ZNF131: variants seen among roughly 807,000 people sequenced by gnomAD.
ZNF131 encodes zinc finger and BTB domain containing 35.
In ZNF131, 7 loss-of-function variants were observed where a neutral mutation model predicts 60.0. The ratio of observed to expected loss-of-function variants is 0.12; its 90% CI spans 0.07 to 0.22. The LOEUF is 0.22. Among genes scored for constraint, ZNF131 ranks in the 10% least tolerant of loss-of-function variants. The pLI, the probability that ZNF131 is intolerant of heterozygous loss-of-function variation, is 1.00. For missense variants in ZNF131, 493 were observed against 740.9 expected (o/e 0.67, Z 3.88); for synonymous variants, 257 against 253.2 (o/e 1.01, Z -0.14).
intron 3 of ZNF131, among the ~76,000 whole-genome samples, chr5:43,136,464 A>C (rs373941005): frequency 7.0e-6 from 1 of 142,684 alleles, no homozygotes; most frequent in Non-Finnish European, 1.5e-5. Context: ...GAACAAAGCT[A>C]GAGGCATCAT....
At chr5:43,142,776 C>G (rs1390546598) in intron 4 of ZNF131, among the ~76,000 whole-genome samples, 1 of 151,854 alleles carries the variant, frequency 6.6e-6, no homozygotes, top group Admixed American at 6.6e-5. Context: ...ACTGCAGCTT[C>G]AACTTCCCGG....
chr5:43,157,850 T>G (rs1255521950), intron 4 of ZNF131, among the ~76,000 whole-genome samples: 1 of 152,242 alleles, frequency 6.6e-6, no homozygotes, highest in Admixed American at 6.5e-5. Flanking sequence ...CTCCAGTCTC[T>G]GCCTTCATCT....
chr5:43,174,790 A>T lies in ZNF131; in HGVS notation c.1529A>T (p.Asp510Val). 5 of 1,614,202 alleles carry T rather than the reference A, an allele frequency of 3.1e-6. No individual in the cohort carries two copies. Among genetic ancestry groups the T allele is most frequent in the Non-Finnish European group, 4.2e-6 (5 of 1,180,042 alleles). ...CTGCTCCAGGACAGCCAGGTGCACG[A>T]TTCACACATGAGTGAGCTTCCAGAG... ...PDLLQDSQVH[D>V]SHMSELPEQV... Residue 510 changes from aspartate to valine, a missense_variant, in exon 7 of 7, where the codon GAT (aspartate) becomes GTT (valine). This residue lies in a region of ZNF131 where 202 missense variants were observed against 221.3 expected (regional missense o/e 0.91). Transcript: ENST00000682664.
intron 4 of ZNF131, among the ~76,000 whole-genome samples, chr5:43,149,272 A>G (rs1748004805): frequency 1.3e-5 from 2 of 151,098 alleles, no homozygotes; most frequent in Non-Finnish European, 3.0e-5. Flanking sequence ...AAAAAAAAAA[A>G]GGCTGGGCAC....
rs79246574 is a variant in ZNF131 at position 43,143,898 on chromosome 5, C to CTTT, written c.371+4625_371+4627dup. On this transcript the variant is annotated intron_variant, in intron 4 of 6. Coordinates refer to ENST00000682664, the MANE Select transcript of ZNF131 (RefSeq NM_001330707.2). ...TAGGTTCTCTGGAATATTGTCAGAG[C>CTTT]TTTTTTTTTTTTTTTTTTTTTTTTT... 8.6e-4 allele frequency among the ~76,000 whole-genome samples: 30 copies of CTTT among 34,972 alleles called. 9 individuals carry two copies. Among genetic ancestry groups the CTTT allele is most frequent in the Admixed American group, 1.9e-3 (4 of 2,132 alleles). The allele number at this position is 34,972 out of a possible 152,430, so 22.9% of individuals were successfully genotyped here.
intron 3 of ZNF131, among the ~76,000 whole-genome samples, chr5:43,135,274 T>C (rs553374075): frequency 7.4e-4 from 106 of 143,468 alleles, no homozygotes; most frequent in Non-Finnish European, 1.4e-3. Flanking sequence ...GGATTACAGG[T>C]GTGAGCCACT....
At chr5:43,147,413 A>AT (rs1747743591) in intron 4 of ZNF131, among the ~76,000 whole-genome samples, 1 of 149,120 alleles carries the variant, frequency 6.7e-6, no homozygotes, top group African/African-American at 2.4e-5. Context: ...ATTTTATTTT[A>AT]TTTATTTATT....
At chr5:43,135,124 G>A (rs940597522) in intron 3 of ZNF131, among the ~76,000 whole-genome samples, 2 of 151,702 alleles carry the variant, frequency 1.3e-5, no homozygotes, top group African/African-American at 2.4e-5. Context: ...TCAGCCTCCC[G>A]AGTAGCTGGG....
At chr5:43,143,625 T>C in intron 4 of ZNF131, 1 of 212,862 alleles carries the variant, frequency 4.7e-6, no homozygotes, top group Non-Finnish European at 9.4e-6. Flanking sequence ...CACTGAAGTC[T>C]GCATAGGTAG....
intron 4 of ZNF131, among the ~76,000 whole-genome samples, chr5:43,146,573 C>T (rs1006642546): frequency 6.6e-6 from 1 of 151,026 alleles, no homozygotes; most frequent in Non-Finnish European, 1.5e-5. Flanking sequence ...CCAGCCTGGG[C>T]GACAGAGCGA....
intron 5 of ZNF131, among the ~76,000 whole-genome samples, chr5:43,162,729 C>T (rs1337528153): frequency 6.6e-6 from 1 of 150,988 alleles, no homozygotes; most frequent in Non-Finnish European, 1.5e-5. Flanking sequence ...CATTGTGAAA[C>T]CCCGTCTCTA....
intron 4 of ZNF131, among the ~76,000 whole-genome samples, chr5:43,152,747 G>C (rs1370885172): frequency 2.0e-5 from 3 of 151,942 alleles, no homozygotes; most frequent in African/African-American, 7.3e-5. Context: ...AGCTGAGACT[G>C]TAGACATGTG....
intron 3 of ZNF131, among the ~76,000 whole-genome samples, chr5:43,136,108 C>T (rs1436950185): frequency 1.3e-5 from 2 of 151,952 alleles, no homozygotes; most frequent in African/African-American, 2.4e-5. Context: ...GACTTGGTCT[C>T]GAAGAAGAAA....
At chr5:43,150,913 C>T (rs2111734132) in intron 4 of ZNF131, among the ~76,000 whole-genome samples, 1 of 152,362 alleles carries the variant, frequency 6.6e-6, no homozygotes, top group East Asian at 1.9e-4. Context: ...TGACCTTAAT[C>T]ATGCACCCAC....
intron 4 of ZNF131, among the ~76,000 whole-genome samples, chr5:43,159,257 ACTATACTG>A (rs1402735446): frequency 6.6e-6 from 1 of 152,142 alleles, no homozygotes; most frequent in African/African-American, 2.4e-5. Context: ...CATCTACTAT[ACTATACTG>A]CAAACATCCA....
Position 43,175,222 on chromosome 5 carries a change from A to G in ZNF131, c.*89A>G. On this transcript the variant is annotated 3_prime_UTR_variant, in exon 7 of 7. Coordinates refer to ENST00000682664, the MANE Select transcript of ZNF131 (RefSeq NM_001330707.2). The stretch of plus-strand genomic sequence containing the variant: ...GACTGTCCTTAATTAAGCCTAACAG[A>G]CAAGTGGACCAAAGTTAAGCTGTTT... 1 of 1,309,192 alleles carries G rather than the reference A, an allele frequency of 7.6e-7. No individual in the cohort carries two copies. The allele number at this position is 1,309,192 out of a possible 1,614,324, so 81.1% of individuals were successfully genotyped here.
intron 3 of ZNF131, among the ~76,000 whole-genome samples, chr5:43,136,083 C>T (rs10050724): frequency 0.2 from 29,861 of 152,076 alleles, 3,200 homozygotes; most frequent in Middle Eastern, 0.35. Flanking sequence ...TACTCCAGCT[C>T]GGGCAACAGA....
chr5:43,122,213 G>A, intron 2 of ZNF131, 36 bp downstream of exon 2: 1 of 1,556,892 alleles, frequency 6.4e-7, no homozygotes, highest in Non-Finnish European at 8.6e-7. Context: ...CGAATTTTTG[G>A]CTTCAGTTTT....
intron 3 of ZNF131, chr5:43,124,690 C>G (rs1203856468): frequency 6.6e-6 from 1 of 152,088 alleles, no homozygotes; most frequent in Non-Finnish European, 1.5e-5. Flanking sequence ...TGACCCCAGG[C>G]GGGTTACTTT....
Sources: allele counts gnomAD v4.1 joint callset (sites outside exome capture counted in the v4.1 genomes callset), GRCh38; gene constraint gnomAD v4.1.1; regional missense constraint gnomAD v4.1.1; transcripts MANE v1.5; gene names NCBI Gene and HGNC (gene_info 2026-07-23, HGNC 2026-07-21).